The following NCOA2 variants were observed in gnomAD, a reference collection of about 807,000 sequenced individuals.
NCOA2 encodes class E basic helix-loop-helix protein 75.
In NCOA2, 21 loss-of-function variants were observed where a neutral mutation model predicts 145.1. The ratio of observed to expected loss-of-function variants is 0.14; its 90% CI spans 0.10 to 0.21. The LOEUF (loss-of-function observed/expected upper bound fraction) is 0.21. Among genes scored for constraint, NCOA2 ranks in the 10% least tolerant of loss-of-function variants. The pLI, the probability that NCOA2 is intolerant of heterozygous loss-of-function variation, is 1.00. For missense variants in NCOA2, 1,472 were observed against 1,837.6 expected, an observed-to-expected ratio of 0.80 and a Z score of 3.64; for synonymous variants, 619 against 637.5, an observed-to-expected ratio of 0.97 and a Z score of 0.44.
At chr8:70,196,134 T>C (rs1481603253) in intron 4 of NCOA2, among the ~76,000 whole-genome samples, 3 of 152,156 alleles carry the variant, frequency 2.0e-5, no homozygotes, top group South Asian at 2.1e-4. Context: ...TCCCAGCATG[T>C]TGGGAGGCCA....
chr8:70,190,322 C>T lies in NCOA2; in HGVS notation c.260-15463G>A, dbSNP rs1209328219. On this transcript the variant is annotated intron_variant, in intron 4 of 22. Transcript: ENST00000452400. Reference sequence around the variant, plus strand: ...ACCTACAATCATGGAACTACAAAAGCATCTATACAAAGAGGAGTTATACTA... The same window carrying T: ...ACCTACAATCATGGAACTACAAAAGTATCTATACAAAGAGGAGTTATACTA... Among the ~76,000 whole-genome samples the T allele has an allele frequency of 2.6e-5, 4 of 152,252 alleles. No individual in the cohort carries two copies. The South Asian group carries it at 6.2e-4, about 24-fold the overall frequency.
Position 70,152,756 on chromosome 8 carries a change from G to A in NCOA2, c.2394+3215C>T, listed in dbSNP as rs190954531. Among the ~76,000 whole-genome samples, 150 of 152,270 alleles carry A rather than the reference G, an allele frequency of 9.9e-4. 1 individual carries two copies. The highest frequency in any genetic ancestry group is 1.9e-3 in the Non-Finnish European group (131 of 68,024). On this transcript the variant is annotated intron_variant, in intron 11 of 22. Transcript: ENST00000452400. ...TGCTCGGTAAAAAATGCTATTTTGGGTATAATAGCACCATCGAAGTACTTC... is the reference window on the plus strand; with the variant it reads ...TGCTCGGTAAAAAATGCTATTTTGGATATAATAGCACCATCGAAGTACTTC...
At chr8:70,328,253 C>T (rs1398177989) in intron 1 of NCOA2, among the ~76,000 whole-genome samples, 2 of 152,136 alleles carry the variant, frequency 1.3e-5, no homozygotes, top group African/African-American at 4.8e-5. Flanking sequence ...CGAATGAATA[C>T]AATTCTAAGT....
intron 1 of NCOA2, among the ~76,000 whole-genome samples, chr8:70,299,468 A>C (rs1335546447): frequency 6.6e-6 from 1 of 152,196 alleles, no homozygotes; most frequent in African/African-American, 2.4e-5. Flanking sequence ...AGAATATATA[A>C]AGATCTCTTA....
At chr8:70,209,970 T>C (rs1242737196) in intron 4 of NCOA2, among the ~76,000 whole-genome samples, 7 of 152,214 alleles carry the variant, frequency 4.6e-5, no homozygotes. Flanking sequence ...GCTATCTGTT[T>C]CCATGACTCC....
intron 22 of NCOA2, among the ~76,000 whole-genome samples, chr8:70,120,745 A>G (rs1585715680): frequency 1.3e-5 from 2 of 152,118 alleles, no homozygotes; most frequent in East Asian, 3.9e-4. Context: ...AAACAAAACA[A>G]AAAAACAAAA....
chr8:70,290,916 C>A (rs1272439145), intron 2 of NCOA2, among the ~76,000 whole-genome samples: 1 of 152,152 alleles, frequency 6.6e-6, no homozygotes, highest in African/African-American at 2.4e-5. Flanking sequence ...AAATTCAGCA[C>A]CTGCCTAGAA....
chr8:70,406,141 G>T (rs1403770689), upstream of NCOA2, among the ~76,000 whole-genome samples: 3 of 152,168 alleles, frequency 2.0e-5, no homozygotes, highest in Non-Finnish European at 4.4e-5. Context: ...GTTTGTACAT[G>T]CTATAGCACC....
chr8:70,138,905 C>T (rs1417392776), intron 14 of NCOA2, among the ~76,000 whole-genome samples: 1 of 152,260 alleles, frequency 6.6e-6, no homozygotes, highest in African/African-American at 2.4e-5. Flanking sequence ...TCTACCATAA[C>T]GCTTGGGCGA....
intron 10 of NCOA2, among the ~76,000 whole-genome samples, chr8:70,159,244 T>TATATATATATATATATGTATATA: frequency 1.4e-5 from 1 of 69,304 alleles, no homozygotes; most frequent in African/African-American, 5.2e-5. Context: ...ATATATATAT[T>TATATATATATATATATGTATATA]TTTTTTTTTT....
At chr8:70,393,030 C>G (rs2131642893) in intron 1 of NCOA2, among the ~76,000 whole-genome samples, 1 of 152,254 alleles carries the variant, frequency 6.6e-6, no homozygotes, top group Non-Finnish European at 1.5e-5. Context: ...CTTTACCCCT[C>G]GGTGGGAAGA....
intron 1 of NCOA2, among the ~76,000 whole-genome samples, chr8:70,359,220 C>T (rs565600878): frequency 2.0e-5 from 3 of 152,248 alleles, no homozygotes; most frequent in Non-Finnish European, 4.4e-5. Context: ...CCAGCAATTC[C>T]ACTCCTGGGT....
Position 70,299,014 on chromosome 8 carries a change from C to G in NCOA2, c.-76-2214G>C, listed in dbSNP as rs182648586. On this transcript the variant is annotated intron_variant, in intron 1 of 22. Coordinates refer to ENST00000452400, the MANE Select transcript of NCOA2 (RefSeq NM_006540.4). ...GGCAGAGCTTGCAGTGAGCCGAGAT[C>G]GCGCCACTATACTCCAGCCTGGGCG... Among the ~76,000 whole-genome samples the G allele has an allele frequency of 2.0e-3, 298 of 151,994 alleles. 1 individual carries two copies. Among genetic ancestry groups the G allele is most frequent in the African/African-American group, 6.7e-3 (279 of 41,450 alleles).
intron 2 of NCOA2, among the ~76,000 whole-genome samples, chr8:70,272,642 AG>A (rs1170177934): frequency 6.6e-6 from 1 of 152,218 alleles, no homozygotes; most frequent in African/African-American, 2.4e-5. Context: ...TGCACGTAAG[AG>A]GGAACACCAG....
In NCOA2 at chr8:70,128,508, A is replaced by G; in HGVS notation, c.3606T>C (p.Asn1202=). 6.2e-7 allele frequency: 1 copy of G among 1,612,090 alleles called. No individual in the cohort carries two copies. Among genetic ancestry groups the G allele is most frequent in the Non-Finnish European group, 8.5e-7 (1 of 1,178,954 alleles). ...QLQHRLQAQQ[N]RQPLMNQISN... is the part of the protein sequence containing the mutation. ...TGATTTGATTCATAAGTGGCTGGCG[A>G]TTCTAAATACATACAAACAGGATGA... The change falls in exon 18 of 23, where the codon AAT becomes AAC. Residue 1202 remains asparagine, a splice_region_variant and synonymous_variant. Transcript: ENST00000452400.
chr8:70,247,117 A>G (rs2134619151), intron 2 of NCOA2, among the ~76,000 whole-genome samples: 1 of 152,298 alleles, frequency 6.6e-6, no homozygotes, highest in Non-Finnish European at 1.5e-5. Flanking sequence ...ATAGGATAGA[A>G]TGAGTGTTTA....
the NCOA2 span, among the ~76,000 whole-genome samples, chr8:70,418,511 A>G: frequency 3.5e-4 from 54 of 152,328 alleles, no homozygotes; most frequent in South Asian, 0.011. Context: ...GGTGACTATG[A>G]TGGCAATATG....
At chr8:70,454,583 C>T in the NCOA2 span, among the ~76,000 whole-genome samples, 78 of 152,314 alleles carry the variant, frequency 5.1e-4, no homozygotes, top group Non-Finnish European at 1.5e-4. Context: ...TTGACAATTA[C>T]TTCATTTAAA....
chr8:70,390,978 A>C lies in NCOA2; in HGVS notation c.-77+12722T>G, dbSNP rs193013043. On this transcript the variant is annotated intron_variant, in intron 1 of 22. Coordinates refer to ENST00000452400, the MANE Select transcript of NCOA2 (RefSeq NM_006540.4). The stretch of plus-strand genomic sequence containing the variant: ...TGAACCCCTATGCACACTGTGATCC[A>C]AGAGGGAAGAGAGGGCTCTACCACA... 1.0e-3 allele frequency among the ~76,000 whole-genome samples: 155 copies of C among 152,320 alleles called. 4 individuals carry two copies. The highest frequency in any genetic ancestry group is 8.0e-3 in the Admixed American group (123 of 15,300).
Sources: gnomAD v4.1 joint callset for allele counts (sites outside exome capture counted in the v4.1 genomes callset) on GRCh38, gnomAD v4.1.1 for gene constraint, MANE v1.5 for transcripts, NCBI Gene and HGNC (gene_info 2026-07-23, HGNC 2026-07-21) for gene names.